GSE1: variants seen among roughly 807,000 people sequenced by gnomAD.
The protein encoded by GSE1 is Gse1 coiled-coil protein.
A neutral mutation model predicts 112.6 loss-of-function variants in GSE1; 32 were observed. The ratio of observed to expected loss-of-function variants is 0.28; its 90% CI spans 0.21 to 0.38. GSE1 has a LOEUF of 0.38. Among genes scored for constraint, GSE1 ranks in the 10% least tolerant of loss-of-function variants. The pLI, the probability that GSE1 is intolerant of heterozygous loss-of-function variation, is 1.00. For synonymous variants in GSE1, 1,115 were observed against 735.6 expected (o/e 1.52, Z -8.35); for missense variants, 2,348 against 1,699.2 (o/e 1.38, Z -6.71).
intron 1 of GSE1, among the ~76,000 whole-genome samples, chr16:85,212,104 GTAT>G (rs1476569043): frequency 6.6e-6 from 1 of 152,188 alleles, no homozygotes; most frequent in East Asian, 1.9e-4. Context: ...CTTCAGAAAG[GTAT>G]TAATAATTGG....
intron 2 of GSE1, among the ~76,000 whole-genome samples, chr16:85,543,975 C>T (rs912517068): frequency 2.6e-5 from 4 of 152,188 alleles, no homozygotes; most frequent in Non-Finnish European, 5.9e-5. Flanking sequence ...GTAGCTGGGA[C>T]TACAGGCGTG....
At chr16:85,435,747 G>A (rs1041609546) in intron 2 of GSE1, among the ~76,000 whole-genome samples, 5 of 99,430 alleles carry the variant, frequency 5.0e-5, no homozygotes, top group African/African-American at 2.0e-4. Flanking sequence ...GCAGCTCTGT[G>A]ACTCCATCCC....
At chr16:85,651,813 G>A (rs1046640064) in intron 3 of GSE1, among the ~76,000 whole-genome samples, 2 of 152,206 alleles carry the variant, frequency 1.3e-5, no homozygotes, top group Non-Finnish European at 1.5e-5. Flanking sequence ...CTGAGCAGGC[G>A]AGGCCCCTGT....
intron 2 of GSE1, among the ~76,000 whole-genome samples, chr16:85,368,284 G>T (rs2151592521): frequency 6.6e-6 from 1 of 152,290 alleles, no homozygotes; most frequent in Middle Eastern, 3.4e-3. Context: ...CAACCATCTG[G>T]CCTCTCTGGG....
chr16:85,425,107 C>T (rs1179763187), intron 2 of GSE1, among the ~76,000 whole-genome samples: 2 of 152,230 alleles, frequency 1.3e-5, no homozygotes, highest in African/African-American at 4.8e-5. Context: ...TCCCTGGGCG[C>T]CCTGGGGCGG....
chr16:85,375,352 G>A (rs1362349488), intron 2 of GSE1, among the ~76,000 whole-genome samples: 1 of 152,296 alleles, frequency 6.6e-6, no homozygotes, highest in South Asian at 2.1e-4. Context: ...CAATGCAGGA[G>A]TCTCAGATGA....
At chr16:85,293,424 T>C (rs565526960) in intron 1 of GSE1, among the ~76,000 whole-genome samples, 1 of 152,258 alleles carries the variant, frequency 6.6e-6, no homozygotes, top group Admixed American at 6.5e-5. Context: ...TGTGTGCCCG[T>C]AATCCCAGCA....
chr16:85,262,898 G>A (rs527915540), intron 1 of GSE1, among the ~76,000 whole-genome samples: 1 of 152,236 alleles, frequency 6.6e-6, no homozygotes, highest in Non-Finnish European at 1.5e-5. Flanking sequence ...ATTGACTACC[G>A]ACTGTATGCC....
chr16:85,291,453 G>C lies in GSE1; in HGVS notation c.2284-66010G>C, dbSNP rs147714414. Among the ~76,000 whole-genome samples, 198 of 152,320 alleles carry C rather than the reference G, an allele frequency of 1.3e-3. 2 individuals carry two copies. Among genetic ancestry groups the C allele is most frequent in the African/African-American group, 4.6e-3 (193 of 41,574 alleles). On this transcript the variant is annotated intron_variant, in intron 1 of 2. Transcript: ENST00000637419. ...TGGACCTGCTACCACCCTCGGAGGGGACGCCGCCCTCCCCAGCCTCCTCCC... is the reference window on the plus strand; with the variant it reads ...TGGACCTGCTACCACCCTCGGAGGGCACGCCGCCCTCCCCAGCCTCCTCCC...
At chr16:85,263,920 G>A (rs1907969024) in intron 1 of GSE1, among the ~76,000 whole-genome samples, 1 of 152,126 alleles carries the variant, frequency 6.6e-6, no homozygotes. Context: ...CTGCCGTCCT[G>A]GCCTCACAGA....
At chr16:85,525,243 T>C (rs62048395) in intron 2 of GSE1, among the ~76,000 whole-genome samples, 94,273 of 151,856 alleles carry the variant, frequency 0.62, 30,345 homozygotes, top group African/African-American at 0.77. Context: ...CTCCTCTGGC[T>C]CACTTGTCCC....
At chr16:85,587,818 C>G (rs1040114275) in intron 1 of GSE1, among the ~76,000 whole-genome samples, 3 of 152,152 alleles carry the variant, frequency 2.0e-5, no homozygotes, top group Non-Finnish European at 4.4e-5. Flanking sequence ...CGCCCTACCC[C>G]CAAGCCTTCC....
At chr16:85,280,299 T>C (rs944765876) in intron 1 of GSE1, among the ~76,000 whole-genome samples, 3 of 152,112 alleles carry the variant, frequency 2.0e-5, no homozygotes, top group Non-Finnish European at 4.4e-5. Context: ...GGGTGAGGCT[T>C]CTCTGGCCAA....
intron 1 of GSE1, among the ~76,000 whole-genome samples, chr16:85,271,196 G>A (rs1908795884): frequency 1.3e-5 from 2 of 152,074 alleles, no homozygotes; most frequent in South Asian, 2.1e-4. Context: ...GGTGGACCAC[G>A]GAAGCATGTC....
At chr16:85,618,876 G>T (rs1042215194) in intron 1 of GSE1, among the ~76,000 whole-genome samples, 1 of 152,190 alleles carries the variant, frequency 6.6e-6, no homozygotes, top group African/African-American at 2.4e-5. Flanking sequence ...GTTGCCCAGG[G>T]TGGTCTCAAA....
At chr16:85,359,428 G>A (rs752853440) in intron 2 of GSE1, 15 of 456,042 alleles carry the variant, frequency 3.3e-5, no homozygotes, top group South Asian at 2.0e-4. Context: ...TTTGGCTGTG[G>A]TTTGGGGAGC....
chr16:85,399,087 A>G (rs535553991), intron 2 of GSE1, among the ~76,000 whole-genome samples: 1 of 152,150 alleles, frequency 6.6e-6, no homozygotes, highest in Admixed American at 6.5e-5. Flanking sequence ...GTGTATGTGT[A>G]TGTGGTGTGT....
At chr16:85,268,843 C>G (rs928801500) in intron 1 of GSE1, among the ~76,000 whole-genome samples, 7 of 152,156 alleles carry the variant, frequency 4.6e-5, no homozygotes, top group African/African-American at 1.7e-4. Flanking sequence ...CCCCCGTGCT[C>G]TCTCCACACT....
upstream of GSE1, among the ~76,000 whole-genome samples, chr16:85,609,455 T>G (rs2047865777): frequency 6.6e-6 from 1 of 152,312 alleles, no homozygotes; most frequent in South Asian, 2.1e-4. Flanking sequence ...CAGTTTTGTT[T>G]CTGGAAAACC....
Sources: gnomAD v4.1 joint callset for allele counts (sites outside exome capture counted in the v4.1 genomes callset) on GRCh38, gnomAD v4.1.1 for gene constraint, MANE v1.5 for transcripts, NCBI Gene and HGNC (gene_info 2026-07-23, HGNC 2026-07-21) for gene names.